Variants in DLG2 observed in about 807,000 individuals in gnomAD.
DLG2 encodes the protein disks large homolog 2.
A neutral mutation model predicts 132.5 loss-of-function variants in DLG2; 45 were observed. The observed-to-expected ratio is 0.34, with a 90% CI of 0.27 to 0.44. The LOEUF (loss-of-function observed/expected upper bound fraction) is 0.44, where lower values mean the gene tolerates loss of function less well. Ranked by LOEUF, DLG2 falls within the 20% of genes least tolerant of loss-of-function variation. The probability of loss-of-function intolerance (pLI) is 1.00; values close to 1 mark genes in which losing one functional copy is unlikely to be tolerated. For missense variants in DLG2, 1,045 were observed against 1,196.9 expected (o/e 0.87, Z 1.87); for synonymous variants, 424 against 419.6 (o/e 1.01, Z -0.13).
At chr11:84,467,584 T>C (rs767581712) in intron 7 of DLG2, among the ~76,000 whole-genome samples, 4 of 151,358 alleles carry the variant, frequency 2.6e-5, no homozygotes, top group Non-Finnish European at 4.4e-5. Context: ...TAGGAGAAAG[T>C]TGGGGAGACC....
intron 8 of DLG2, chr11:84,166,935 C>T: frequency 1.9e-6 from 1 of 533,216 alleles, no homozygotes; most frequent in Non-Finnish European, 3.8e-6. Flanking sequence ...TACAGTAACA[C>T]TTACGGTAAT....
At chr11:85,116,631 G>A (rs2073628366) in intron 5 of DLG2, among the ~76,000 whole-genome samples, 2 of 151,878 alleles carry the variant, frequency 1.3e-5, no homozygotes, top group Admixed American at 1.3e-4. Context: ...TTTAAAAAAA[G>A]AGAAGATCAA....
intron 7 of DLG2, chr11:84,437,370 A>G (rs1034774014): frequency 1.3e-5 from 2 of 152,152 alleles, no homozygotes; most frequent in African/African-American, 4.8e-5. Context: ...GTAATTTTCA[A>G]CCCCACTCAT....
intron 5 of DLG2, among the ~76,000 whole-genome samples, chr11:85,112,500 C>T (rs975666251): frequency 1.3e-5 from 2 of 152,012 alleles, no homozygotes; most frequent in Middle Eastern, 3.4e-3. Flanking sequence ...TTTAATAAGC[C>T]ATACTTTATC....
At chr11:83,571,016 G>A (rs892494067) in intron 19 of DLG2, among the ~76,000 whole-genome samples, 7 of 151,886 alleles carry the variant, frequency 4.6e-5, no homozygotes, top group Non-Finnish European at 7.4e-5. Context: ...CCAAGTAGCC[G>A]GGATTACAGG....
At chr11:84,188,085 A>C (rs968121265) in intron 8 of DLG2, among the ~76,000 whole-genome samples, 1 of 152,164 alleles carries the variant, frequency 6.6e-6, no homozygotes, top group African/African-American at 2.4e-5. Context: ...AGTTGCCTCT[A>C]TCCAAATATG....
rs75273974 is a variant in DLG2, at chr11:84,588,552, C to T, written c.358-53821G>A. ...TTTACGGACTCTGAAGCCCTTTTGT[C>T]AGAGGCATTTGAACCAGAGCAGCTC... On this transcript the variant is annotated intron_variant, in intron 6 of 27. Transcript: ENST00000376104. Among the ~76,000 whole-genome samples the T allele has an allele frequency of 6.6e-5, 10 of 152,198 alleles. No homozygotes were observed. In the East Asian group the frequency reaches 1.9e-3, roughly 29 times the overall value.
At chr11:84,155,479 A>G (rs1620817) in intron 9 of DLG2, among the ~76,000 whole-genome samples, 131,646 of 150,342 alleles carry the variant, frequency 0.88, 57,945 homozygotes, top group Middle Eastern at 0.94. Flanking sequence ...CTAGTCCCCT[A>G]TGTTACTTCA....
intron 6 of DLG2, among the ~76,000 whole-genome samples, chr11:84,610,578 G>T (rs2099593674): frequency 6.6e-6 from 1 of 152,014 alleles, no homozygotes; most frequent in South Asian, 2.1e-4. Flanking sequence ...GGGAACAAGG[G>T]GTAAGCCAAT....
chr11:85,589,938 C>T (rs1591081426), intron 3 of DLG2, among the ~76,000 whole-genome samples: 1 of 152,002 alleles, frequency 6.6e-6, no homozygotes, highest in Non-Finnish European at 1.5e-5. Context: ...ATTACTTTTG[C>T]GTAGTATCTA....
At chr11:85,018,554 G>C (rs748038987) in intron 6 of DLG2, among the ~76,000 whole-genome samples, 3 of 152,052 alleles carry the variant, frequency 2.0e-5, no homozygotes, top group Admixed American at 2.0e-4. Flanking sequence ...TAGCAGCCAC[G>C]GATCTCACAT....
At chr11:85,155,454 T>C (rs145950553) in intron 4 of DLG2, among the ~76,000 whole-genome samples, 177 of 152,300 alleles carry the variant, frequency 1.2e-3, no homozygotes, top group African/African-American at 4.1e-3. Context: ...GACAGATTCA[T>C]AGTGTTCTGG....
At chr11:83,881,049 A>T (rs1048612481) in intron 15 of DLG2, among the ~76,000 whole-genome samples, 77 of 17,094 alleles carry the variant, frequency 4.5e-3, no homozygotes, top group African/African-American at 0.023. Context: ...CATTTTTTTA[A>T]AAAAAATGAT....
chr11:84,207,941 G>C (rs894100835), intron 8 of DLG2, among the ~76,000 whole-genome samples: 3 of 151,962 alleles, frequency 2.0e-5, no homozygotes, highest in African/African-American at 7.2e-5. Context: ...AAAGTAAATA[G>C]CTCATTTCTT....
intron 4 of DLG2, among the ~76,000 whole-genome samples, chr11:85,236,722 T>C (rs2075606986): frequency 6.6e-6 from 1 of 152,026 alleles, no homozygotes; most frequent in African/African-American, 2.4e-5. Flanking sequence ...CATAGTTACT[T>C]GCATATACTG....
intron 8 of DLG2, among the ~76,000 whole-genome samples, chr11:84,204,366 T>C (rs911188041): frequency 6.6e-6 from 1 of 152,230 alleles, no homozygotes; most frequent in Non-Finnish European, 1.5e-5. Context: ...TTCTTATATG[T>C]GGCAGGGCAC....
intron 7 of DLG2, among the ~76,000 whole-genome samples, chr11:84,504,044 G>T (rs918977026): frequency 1.2e-4 from 19 of 152,186 alleles, no homozygotes; most frequent in Admixed American, 3.9e-4. Context: ...TAATATTATT[G>T]TTGAAAATAA....
chr11:83,463,152 A>G (rs555375922), intron 26 of DLG2, among the ~76,000 whole-genome samples: 3 of 152,322 alleles, frequency 2.0e-5, no homozygotes, highest in Non-Finnish European at 4.4e-5. Flanking sequence ...TATTTAACGA[A>G]GAGTAATCTG....
intron 6 of DLG2, among the ~76,000 whole-genome samples, chr11:85,032,964 T>A (rs565537203): frequency 6.6e-6 from 1 of 152,166 alleles, no homozygotes; most frequent in Non-Finnish European, 1.5e-5. Flanking sequence ...AACATGCCAA[T>A]AAGTGAGACA....
Sources: allele counts gnomAD v4.1 joint callset (sites outside exome capture counted in the v4.1 genomes callset), GRCh38; gene constraint gnomAD v4.1.1; transcripts MANE v1.5; gene names NCBI Gene and HGNC (gene_info 2026-07-23, HGNC 2026-07-21).